The following FRZB variants were observed in gnomAD, a reference collection of about 807,000 sequenced individuals.
The protein encoded by FRZB is frizzled related protein.
FRZB carries 34 observed loss-of-function variants against 32.5 expected under a neutral mutation model. The ratio of observed to expected loss-of-function variants is 1.05; its 90% CI spans 0.80 to 1.39. The LOEUF is 1.39. FRZB is among the 40% of genes most tolerant of loss of function. The pLI is 0.00. For synonymous variants in FRZB, 170 were observed against 159.2 expected (o/e 1.07, Z -0.51); for missense variants, 423 against 424.8 (o/e 1.00, Z 0.04).
At chr2:182,852,393 G>A (rs1233238821) in intron 2 of FRZB, among the ~76,000 whole-genome samples, 4 of 152,076 alleles carry the variant, frequency 2.6e-5, no homozygotes, top group African/African-American at 4.8e-5. Flanking sequence ...GAAAACTCTG[G>A]GAGAGCATCT....
chr2:182,842,368 G>C, intron 3 of FRZB, 110 bp downstream of exon 3: 4 of 783,632 alleles, frequency 5.1e-6, no homozygotes. Flanking sequence ...CTGTTTTTAA[G>C]CCTTATTCTT....
At chr2:182,843,758 C>G (rs1157700008) in intron 2 of FRZB, among the ~76,000 whole-genome samples, 1 of 152,014 alleles carries the variant, frequency 6.6e-6, no homozygotes, top group Non-Finnish European at 1.5e-5. Context: ...GTGGCAAAAC[C>G]CCGTCTCTAC....
At chr2:182,860,030 G>T (rs1695813929) in intron 1 of FRZB, among the ~76,000 whole-genome samples, 1 of 152,124 alleles carries the variant, frequency 6.6e-6, no homozygotes, top group Non-Finnish European at 1.5e-5. Flanking sequence ...CATAAAGGAA[G>T]AAATTATATT....
Position 182,833,936 on chromosome 2 carries a change from G to A in FRZB, c.*913C>T, listed in dbSNP as rs1695494984. The A allele has an allele frequency of 6.6e-6, 1 of 151,854 alleles. No individual in the cohort carries two copies. The highest frequency in any genetic ancestry group is 1.5e-5 in the Non-Finnish European group (1 of 67,982). The allele number at this position is 151,854 out of a possible 1,614,324, so 9.4% of individuals were successfully genotyped here. On this transcript the variant is annotated 3_prime_UTR_variant, in exon 6 of 6. Coordinates refer to ENST00000295113, the MANE Select transcript of FRZB (RefSeq NM_001463.4). Reference sequence around the variant, plus strand: ...CATGTACTTTTAAAAACTAACCCTGGTGCACGTGCATACATAATCTTTTCC... The same window carrying A: ...CATGTACTTTTAAAAACTAACCCTGATGCACGTGCATACATAATCTTTTCC...
At chr2:182,843,495 A>T (rs1333785334) in intron 2 of FRZB, among the ~76,000 whole-genome samples, 1 of 152,214 alleles carries the variant, frequency 6.6e-6, no homozygotes, top group Non-Finnish European at 1.5e-5. Context: ...ATATGTAAAG[A>T]TTTCTTTAAA....
At chr2:182,856,616 T>C (rs982306547) in intron 2 of FRZB, among the ~76,000 whole-genome samples, 3 of 152,196 alleles carry the variant, frequency 2.0e-5, no homozygotes, top group African/African-American at 7.2e-5. Context: ...ATGTTAAAAG[T>C]AGGATAGAAA....
intron 5 of FRZB, among the ~76,000 whole-genome samples, chr2:182,836,990 G>C (rs1320441284): frequency 6.6e-6 from 1 of 151,718 alleles, no homozygotes; most frequent in Non-Finnish European, 1.5e-5. Flanking sequence ...ACCGCCCAGG[G>C]GTGTTTAACT....
At chr2:182,852,896 A>T (rs1486785976) in intron 2 of FRZB, among the ~76,000 whole-genome samples, 1 of 152,274 alleles carries the variant, frequency 6.6e-6, no homozygotes, top group Non-Finnish European at 1.5e-5. Flanking sequence ...GCTTTGAGGC[A>T]AAGAATATAT....
chr2:182,838,381 T>C (rs1695550167), intron 4 of FRZB, 28 bp downstream of exon 4: 1 of 1,554,264 alleles, frequency 6.4e-7, no homozygotes. Flanking sequence ...GCAAAGTAGT[T>C]ATTCTGTATC....
intron 1 of FRZB, among the ~76,000 whole-genome samples, chr2:182,860,842 G>T (rs191624000): frequency 6.9e-6 from 1 of 145,062 alleles, no homozygotes; most frequent in African/African-American, 2.6e-5. Context: ...ACTCCAGTCT[G>T]AGTGACAGAG....
intron 2 of FRZB, among the ~76,000 whole-genome samples, chr2:182,855,332 G>A (rs766059735): frequency 4.6e-5 from 7 of 152,170 alleles, no homozygotes; most frequent in Non-Finnish European, 1.0e-4. Flanking sequence ...AGTGGGACAA[G>A]ACAATTAGGT....
chr2:182,841,158 G>A (rs1383262462), intron 3 of FRZB, among the ~76,000 whole-genome samples: 1 of 152,032 alleles, frequency 6.6e-6, no homozygotes, highest in Non-Finnish European at 1.5e-5. Flanking sequence ...CTTAGAAAGA[G>A]CATCCATCAT....
chr2:182,842,689 G>C (rs183722363), intron 2 of FRZB, 146 bp from the exon 3 acceptor site: 198 of 603,592 alleles, frequency 3.3e-4, no homozygotes, highest in Non-Finnish European at 4.8e-4. Flanking sequence ...TTTTTCTCCT[G>C]GAACTACATT....
Position 182,866,200 on chromosome 2 carries a change from C to T in FRZB, c.353G>A (p.Gly118Asp), listed in dbSNP as rs750636210. The T allele has an allele frequency of 1.2e-6, 2 of 1,614,148 alleles. No individual in the cohort carries two copies. The highest frequency in any genetic ancestry group is 1.1e-5 in the South Asian group (1 of 91,074). ...GTACTTGATGAGTATGGGCTCACAG[C>T]CCTGCCGGGCCCGCTCGCACACAGA... ...CKSVCERARQ[G>D]CEPILIKYRH... Residue 118 changes from glycine to aspartate, a missense_variant, in exon 1 of 6, where the codon GGC (glycine) becomes GAC (aspartate). Coordinates refer to ENST00000295113, the MANE Select transcript of FRZB (RefSeq NM_001463.4). The surrounding 1 kb of genome is among the most constrained non-coding windows in gnomAD (Gnocchi z 4.5).
At chr2:182,865,147 G>A (rs1233992937) in intron 1 of FRZB, among the ~76,000 whole-genome samples, 4 of 152,020 alleles carry the variant, frequency 2.6e-5, no homozygotes. Context: ...TGAAATGACT[G>A]TGGTTGGTGC....
rs182224203 is a variant in FRZB, at chr2:182,845,949, C to T, written c.527-3406G>A. ...TGCAAAGTTAACATGCCCAGTACTT[C>T]GCAGAAGTTAGTCTGCAGCTCAGGG... On this transcript the variant is annotated intron_variant, in intron 2 of 5. Transcript: ENST00000295113. 3.6e-4 allele frequency among the ~76,000 whole-genome samples: 55 copies of T among 152,286 alleles called. 1 individual carries two copies. In the South Asian group the frequency reaches 7.9e-3, roughly 22 times the overall value.
intron 5 of FRZB, 114 bp from the exon 6 acceptor site, chr2:182,835,079 C>CT (rs1468377672): frequency 1.3e-6 from 1 of 752,486 alleles, no homozygotes; most frequent in Non-Finnish European, 2.3e-6. Context: ...CATTTTGCTA[C>CT]TTTTCCAAAA....
intron 2 of FRZB, among the ~76,000 whole-genome samples, chr2:182,846,066 G>C (rs1695636876): frequency 6.6e-6 from 1 of 152,200 alleles, no homozygotes; most frequent in African/African-American, 2.4e-5. Flanking sequence ...GTTCAGAGGA[G>C]ACAAGAATCT....
chr2:182,852,517 A>G (rs1438998506), intron 2 of FRZB, among the ~76,000 whole-genome samples: 1 of 152,236 alleles, frequency 6.6e-6, no homozygotes, highest in Non-Finnish European at 1.5e-5. Context: ...ACATTTATAT[A>G]TTTAGTGTCA....
Sources: allele counts gnomAD v4.1 joint callset (sites outside exome capture counted in the v4.1 genomes callset), GRCh38; gene constraint gnomAD v4.1.1; non-coding constraint Gnocchi (gnomAD v3.1); transcripts MANE v1.5; gene names NCBI Gene and HGNC (gene_info 2026-07-23, HGNC 2026-07-21).